The following SHANK2 variants were observed in gnomAD, a reference collection of about 807,000 sequenced individuals.
SHANK2 encodes SH3 and multiple ankyrin repeat domains 2, also known as SH3 and multiple ankyrin repeat domains protein 2.
SHANK2 carries 43 observed loss-of-function variants against 133.7 expected under a neutral mutation model. The observed-to-expected ratio is 0.32, with a 90% CI of 0.25 to 0.41. The LOEUF (loss-of-function observed/expected upper bound fraction) is 0.41. Ranked by LOEUF, SHANK2 falls within the 10% of genes least tolerant of loss-of-function variation. The probability of loss-of-function intolerance (pLI) is 1.00; values close to 1 mark genes in which losing one functional copy is unlikely to be tolerated. For missense variants in SHANK2, 1,994 were observed against 2,235.8 expected (o/e 0.89, Z 2.18); for synonymous variants, 1,017 against 952.8 (o/e 1.07, Z -1.24).
At chr11:71,216,141 G>A (rs189160257) in intron 2 of SHANK2, among the ~76,000 whole-genome samples, 29 of 152,286 alleles carry the variant, frequency 1.9e-4, no homozygotes, top group Admixed American at 7.8e-4. Context: ...CGAGAGAAAC[G>A]AAATCGCGTC....
intron 14 of SHANK2, among the ~76,000 whole-genome samples, chr11:70,770,944 T>TG (rs1947237229): frequency 8.1e-6 from 1 of 123,314 alleles, no homozygotes; most frequent in Admixed American, 7.9e-5. Context: ...TTTTTTTTTT[T>TG]GACAGGGTCT....
At chr11:71,130,902 G>A (rs1952289180) in intron 3 of SHANK2, among the ~76,000 whole-genome samples, 1 of 152,230 alleles carries the variant, frequency 6.6e-6, no homozygotes, top group Non-Finnish European at 1.5e-5. Flanking sequence ...ACTTAGGAAA[G>A]CCGGAAAAAA....
chr11:71,199,737 A>G (rs1591012971), intron 2 of SHANK2, among the ~76,000 whole-genome samples: 1 of 152,134 alleles, frequency 6.6e-6, no homozygotes, highest in Non-Finnish European at 1.5e-5. Flanking sequence ...CGGACACCGC[A>G]CCCTGCCATA....
At chr11:70,785,331 G>T (rs931332420) in intron 14 of SHANK2, among the ~76,000 whole-genome samples, 74 of 152,170 alleles carry the variant, frequency 4.9e-4, no homozygotes, top group African/African-American at 1.5e-3. Flanking sequence ...GAGGGGGAGG[G>T]GCCCTCACTC....
At chr11:70,639,879 G>T (rs2061154265) in intron 17 of SHANK2, among the ~76,000 whole-genome samples, 1 of 152,198 alleles carries the variant, frequency 6.6e-6, no homozygotes, top group Admixed American at 6.5e-5. Context: ...GTTCTACGTG[G>T]CTGGGATTGG....
chr11:70,925,681 A>G (rs1370265721), intron 10 of SHANK2, among the ~76,000 whole-genome samples: 3 of 152,232 alleles, frequency 2.0e-5, no homozygotes, highest in Non-Finnish European at 4.4e-5. Context: ...TGGATGTTAC[A>G]TGAACATGAA....
At chr11:70,850,189 C>T (rs1949063868) in intron 11 of SHANK2, among the ~76,000 whole-genome samples, 1 of 142,808 alleles carries the variant, frequency 7.0e-6, no homozygotes, top group Admixed American at 6.7e-5. Context: ...CTACGGTTCT[C>T]CTTCAATCTT....
At chr11:70,630,015 T>C (rs2060960738) in intron 17 of SHANK2, among the ~76,000 whole-genome samples, 1 of 152,152 alleles carries the variant, frequency 6.6e-6, no homozygotes, top group Non-Finnish European at 1.5e-5. Context: ...GAGGACATCG[T>C]CTGTGGGCTT....
chr11:70,614,795 G>A (rs1009356991), intron 17 of SHANK2, among the ~76,000 whole-genome samples: 1 of 152,224 alleles, frequency 6.6e-6, no homozygotes, highest in Non-Finnish European at 1.5e-5. Context: ...TCTGAGCCTG[G>A]GGTGAGCCTC....
In SHANK2 at chr11:70,473,180, G is replaced by A. The variant is rs1565516956; in HGVS notation, c.5239C>T (p.Pro1747Ser). The A allele has an allele frequency of 3.1e-6, 5 of 1,613,558 alleles. No homozygotes were observed. Among genetic ancestry groups the A allele is most frequent in the Non-Finnish European group, 3.4e-6 (4 of 1,179,452 alleles). The change falls in exon 26 of 26, where the codon CCC becomes TCC. Residue 1747 changes from proline to serine, a missense_variant. This residue lies in a region of SHANK2 where 797 missense variants were observed against 907.4 expected (regional missense o/e 0.88). Coordinates refer to ENST00000601538, the MANE Select transcript of SHANK2 (RefSeq NM_012309.5). This position sits in a 1 kb window ranked among gnomAD's most constrained non-coding sequence, Gnocchi z 5.9. Reference protein sequence around the residue: ...LSDVFSLPSQPPSGDLFGLNP... With the variant: ...LSDVFSLPSQSPSGDLFGLNP... ...AAGCCAAATAGATCCCCAGAAGGGG[G>A]CTGGCTTGGAAGGCTAAAGACATCT...
rs569779961 is a variant in SHANK2 at position 70,619,814 on chromosome 11, T to A, written c.2061+40014A>T. On this transcript the variant is annotated intron_variant, in intron 17 of 25. Coordinates refer to ENST00000601538, the MANE Select transcript of SHANK2 (RefSeq NM_012309.5). The stretch of plus-strand genomic sequence containing the variant: ...CCGGCTCACAGGGAGGAGGCCTCCA[T>A]AACAGCAAGGCCCTTGGATGCTGGA... Among the ~76,000 whole-genome samples the A allele has an allele frequency of 9.2e-5, 14 of 152,194 alleles. No individual in the cohort carries two copies. The South Asian group carries it at 2.9e-3, about 32-fold the overall frequency.
intron 14 of SHANK2, among the ~76,000 whole-genome samples, chr11:70,765,973 C>T (rs549297821): frequency 6.6e-6 from 1 of 152,248 alleles, no homozygotes; most frequent in East Asian, 1.9e-4. Context: ...ACAGAGGTGG[C>T]CAGCTGCCTA....
intron 17 of SHANK2, among the ~76,000 whole-genome samples, chr11:70,595,727 CG>C (rs1380186014): frequency 6.6e-6 from 1 of 152,218 alleles, no homozygotes; most frequent in Admixed American, 6.5e-5. Flanking sequence ...CCCCGGGTAG[CG>C]GGGGAAGATT....
rs1174694733 is a variant in SHANK2 at position 70,583,700 on chromosome 11, C to T, written c.2061+76128G>A. On this transcript the variant is annotated intron_variant, in intron 17 of 25. Transcript: ENST00000601538. ...ATCTGGAGCCTGTCCACTCCACGCT[C>T]ACTGTCAGGAGCCTCCTAATGAACC... 5.9e-5 allele frequency among the ~76,000 whole-genome samples: 9 copies of T among 152,228 alleles called. 1 individual carries two copies. In the South Asian group the frequency reaches 1.9e-3, roughly 31 times the overall value.
At chr11:70,616,263 C>T (rs782762796) in intron 17 of SHANK2, among the ~76,000 whole-genome samples, 10 of 152,230 alleles carry the variant, frequency 6.6e-5, no homozygotes, top group South Asian at 4.2e-4. Context: ...TGAAGGTCCC[C>T]GAGAAGTCTC....
At chr11:70,557,082 A>G (rs2059841771) in intron 17 of SHANK2, among the ~76,000 whole-genome samples, 1 of 152,144 alleles carries the variant, frequency 6.6e-6, no homozygotes. Flanking sequence ...TGCTGGTGTG[A>G]CTCAGAAGGA....
At chr11:70,496,128 C>T (rs1470933655) in intron 21 of SHANK2, among the ~76,000 whole-genome samples, 3 of 152,074 alleles carry the variant, frequency 2.0e-5, no homozygotes, top group Non-Finnish European at 2.9e-5. Flanking sequence ...AAGGCCTGGG[C>T]GCAGGTGGGT....
chr11:71,194,468 C>A (rs567962132), intron 2 of SHANK2, among the ~76,000 whole-genome samples: 10 of 152,312 alleles, frequency 6.6e-5, no homozygotes, highest in African/African-American at 2.4e-4. Flanking sequence ...AATCACCTCA[C>A]CTTTGTGTCA....
At chr11:70,827,312 C>A (rs1948658254) in intron 11 of SHANK2, among the ~76,000 whole-genome samples, 1 of 149,250 alleles carries the variant, frequency 6.7e-6, no homozygotes, top group East Asian at 2.0e-4. Context: ...TAAACTGAGA[C>A]CCTGCCAAGG....
Sources: allele counts gnomAD v4.1 joint callset (sites outside exome capture counted in the v4.1 genomes callset), GRCh38; gene constraint gnomAD v4.1.1; regional missense constraint gnomAD v4.1.1; non-coding constraint Gnocchi (gnomAD v3.1); transcripts MANE v1.5; gene names NCBI Gene and HGNC (gene_info 2026-07-23, HGNC 2026-07-21).